MNT: variants seen among roughly 807,000 people sequenced by gnomAD.
MNT encodes MAX network transcriptional repressor, also known as max-binding protein MNT.
Under a neutral mutation model 40.7 loss-of-function variants are expected in MNT, and 13 were observed. The observed-to-expected ratio is 0.32, with a 90% CI of 0.21 to 0.51. MNT has a LOEUF of 0.51. MNT is among the 20% of genes least tolerant of loss of function. The probability of loss-of-function intolerance (pLI) is 0.98; values close to 1 mark genes in which losing one functional copy is unlikely to be tolerated. For missense variants in MNT, 757 were observed against 792.0 expected (o/e 0.96, Z 0.53); for synonymous variants, 426 against 354.8 (o/e 1.20, Z -2.26).
At position 2,387,264 on chromosome 17, in the gene MNT, T is replaced by G; in HGVS notation, c.1386A>C (p.Pro462=). 5 of 1,613,136 alleles carry G rather than the reference T, an allele frequency of 3.1e-6. No homozygotes were observed. Among genetic ancestry groups the G allele is most frequent in the Non-Finnish European group, 4.2e-6 (5 of 1,179,672 alleles). The part of the protein sequence containing the change: ...IQTVNHVLQG[P]GGKHIAHIAP... ...CGATGTGGGCGATGTGCTTGCCGCC[T>G]GGCCCCTGCAGAACGTGGTTCACAG... is the stretch of plus-strand genomic sequence containing the variant. Residue 462 remains proline (P), a synonymous_variant, in exon 6 of 6, where the codon CCA becomes CCC. Transcript: ENST00000174618.
Position 2,387,914 on chromosome 17 carries a change from C to T in MNT, c.943G>A (p.Val315Met), listed in dbSNP as rs757301365. Reference sequence around the variant, plus strand: ...TCGGGCTGGCCCGTCTGCCGCAGCACGCGGTCAATCTCCAGTACGTCCATC... The same window carrying T: ...TCGGGCTGGCCCGTCTGCCGCAGCATGCGGTCAATCTCCAGTACGTCCATC... ...QWMDVLEIDR[V>M]LRQTGQPEDD... The change falls in exon 5 of 6, where the codon GTG (valine) becomes ATG (methionine). Residue 315 changes from valine (V) to methionine (M), a missense_variant. By Grantham distance (21) the Val-to-Met change is conservative. This residue lies in a region of MNT where 345 missense variants were observed against 380.1 expected (regional missense o/e 0.91). Coordinates refer to ENST00000174618, the MANE Select transcript of MNT (RefSeq NM_020310.3). 4 of 1,607,792 alleles carry T rather than the reference C, an allele frequency of 2.5e-6. No homozygotes were observed. The highest frequency in any genetic ancestry group is 2.2e-5 in the East Asian group (1 of 44,850).
At chr17:2,394,580 TC>T (rs1188205492) in intron 2 of MNT, among the ~76,000 whole-genome samples, 1 of 152,054 alleles carries the variant, frequency 6.6e-6, no homozygotes, top group African/African-American at 2.4e-5. Context: ...ACAGGAGGAC[TC>T]CTGGGACTCA....
Position 2,386,911 on chromosome 17 carries a change from T to C in MNT, c.1739A>G (p.Lys580Arg). 2 of 1,475,404 alleles carry C rather than the reference T, an allele frequency of 1.4e-6. No homozygotes were observed. Among genetic ancestry groups the C allele is most frequent in the East Asian group, 2.4e-5 (1 of 41,546 alleles). The allele number at this position is 1,475,404 out of a possible 1,614,324, so 91.4% of individuals were successfully genotyped here. A position where few individuals can be genotyped will look rare whatever the true frequency, so the allele number is the denominator to read the frequency against. ...TMPSFPVSTL[K>R]LA Reference sequence around the variant, plus strand: ...TGAGTGGCCTCGTCCTCAAGCCAGCTTGAGTGTGCTGACTGGGAAGGAGGG... The same window carrying C: ...TGAGTGGCCTCGTCCTCAAGCCAGCCTGAGTGTGCTGACTGGGAAGGAGGG... Residue 580 changes from lysine to arginine, a missense_variant, in exon 6 of 6, where the codon AAG becomes AGG. This residue lies in a region of MNT where 345 missense variants were observed against 380.1 expected (regional missense o/e 0.91). Coordinates refer to ENST00000174618, the MANE Select transcript of MNT (RefSeq NM_020310.3).
intron 1 of MNT, among the ~76,000 whole-genome samples, chr17:2,397,923 G>A (rs1268529339): frequency 6.6e-6 from 1 of 152,202 alleles, no homozygotes; most frequent in Non-Finnish European, 1.5e-5. Context: ...TGCCCCCAAA[G>A]AATTTAGCAT....
rs772640307 is a variant in MNT at position 2,395,218 on chromosome 17, G to C, written c.310C>G (p.Pro104Ala). 6 of 1,477,100 alleles carry C rather than the reference G, an allele frequency of 4.1e-6. No individual in the cohort carries two copies. The highest frequency in any genetic ancestry group is 9.0e-7 in the Non-Finnish European group (1 of 1,114,712). 91.5% of individuals were successfully genotyped at this position (1,477,100 alleles called of 1,614,324 possible). A position where few individuals can be genotyped will look rare whatever the true frequency, so the allele number is the denominator to read the frequency against. Residue 104 changes from proline to alanine, a missense_variant, in exon 2 of 6, where the codon CCC becomes GCC. By Grantham distance (27) the Pro-to-Ala change is conservative. Coordinates refer to ENST00000174618, the MANE Select transcript of MNT (RefSeq NM_020310.3). Reference protein sequence around the residue: ...VTNSPQPLPPPPPLPAAAQPL... With the variant: ...VTNSPQPLPPAPPLPAAAQPL... ...TGGGCTGCCGCGGGCAAGGGTGGGG[G>C]TGGGGGTAGAGGCTGAGGGGAGTTG...
chr17:2,391,141 A>C (rs918425299), intron 4 of MNT: 2 of 152,338 alleles, frequency 1.3e-5, no homozygotes, highest in Non-Finnish European at 2.9e-5. Flanking sequence ...GGCATGTGCC[A>C]CCAGGCAGGA....
At chr17:2,395,723 C>T (rs547652602) in intron 1 of MNT, among the ~76,000 whole-genome samples, 3 of 152,268 alleles carry the variant, frequency 2.0e-5, no homozygotes, top group South Asian at 2.1e-4. Context: ...GTCCGGGCTG[C>T]GGGCAGGACA....
intron 1 of MNT, chr17:2,400,367 G>C: frequency 2.8e-6 from 1 of 356,504 alleles, no homozygotes; most frequent in East Asian, 5.7e-5. Flanking sequence ...CCACGCAAAA[G>C]CAGCCCACCA....
rs929726113 is a variant in MNT, at chr17:2,391,569, C to G, written c.807+2474G>C. 3.3e-5 allele frequency: 5 copies of G among 152,320 alleles called. No individual in the cohort carries two copies. The South Asian group carries it at 6.2e-4, about 19-fold the overall frequency. The allele number at this position is 152,320 out of a possible 1,614,324, so 9.4% of individuals were successfully genotyped here. On this transcript the variant is annotated intron_variant, in intron 4 of 5. Transcript: ENST00000174618. ...AAACCCATTTCCTTTCTGTGACTACCTGGATGCACGGTTTGGTACCTATTT... is the reference window on the plus strand; with the variant it reads ...AAACCCATTTCCTTTCTGTGACTACGTGGATGCACGGTTTGGTACCTATTT...
rs926932913 is a variant in MNT, at chr17:2,394,968, G to A, written c.560C>T (p.Ala187Val). The A allele has an allele frequency of 2.7e-5, 44 of 1,606,654 alleles. No individual in the cohort carries two copies. The highest frequency in any genetic ancestry group is 4.0e-5 in the African/African-American group (3 of 74,816). ...APHPGVQPQL[A>V]PQQPPPPTLG... ...CGTGGGTGGGGGCGGCTGCTGGGGG[G>A]CCAGCTGAGGCTGGACTCCAGGGTG... is the stretch of plus-strand genomic sequence containing the variant. The change falls in exon 2 of 6, where the codon GCC (alanine) becomes GTC (valine). Residue 187 changes from alanine (A) to valine (V), a missense_variant. Ala to Val is a moderately conservative substitution (Grantham distance 64, BLOSUM62 0). Transcript: ENST00000174618.
At chr17:2,392,046 TC>T (rs1282715739) in intron 4 of MNT, 2 of 152,232 alleles carry the variant, frequency 1.3e-5, no homozygotes, top group Non-Finnish European at 2.9e-5. Flanking sequence ...ATCCTGCAGG[TC>T]TCAGCTCAAA....
rs1207227360 is a variant in MNT at position 2,384,569 on chromosome 17, T to C, written c.*2332A>G. On this transcript the variant is annotated 3_prime_UTR_variant, in exon 6 of 6. Transcript: ENST00000174618. Reference sequence around the variant, plus strand: ...TGAACATCAAAAGGTAAAACACGCATGAGAGGTAAGATGTGTGCGTGTGCG... The same window carrying C: ...TGAACATCAAAAGGTAAAACACGCACGAGAGGTAAGATGTGTGCGTGTGCG... 2 of 151,336 alleles carry C rather than the reference T, an allele frequency of 1.3e-5. No individual in the cohort carries two copies. Among genetic ancestry groups the C allele is most frequent in the Non-Finnish European group, 2.9e-5 (2 of 67,930 alleles). 9.4% of individuals were successfully genotyped at this position (151,336 alleles called of 1,614,324 possible).
At chr17:2,391,638 G>A (rs2066515862) in intron 4 of MNT, 1 of 152,080 alleles carries the variant, frequency 6.6e-6, no homozygotes, top group East Asian at 1.9e-4. Flanking sequence ...TCAAACCTTT[G>A]ACCACCTCCA....
intron 3 of MNT, 28 bp downstream of exon 3, chr17:2,394,277 G>GCACAGACACA: frequency 6.7e-7 from 1 of 1,487,680 alleles, no homozygotes; most frequent in Non-Finnish European, 9.0e-7. Flanking sequence ...ACGCACGCAC[G>GCACAGACACA]CACACACACA....
chr17:2,394,491 A>G, intron 2 of MNT, 145 bp from the exon 3 acceptor site: 1 of 1,210,684 alleles, frequency 8.3e-7, no homozygotes, highest in Non-Finnish European at 1.2e-6. Flanking sequence ...GCCCTGTGCC[A>G]TGCTGCGCCC....
intron 5 of MNT, 98 bp from the exon 6 acceptor site, chr17:2,387,747 G>A: frequency 6.4e-7 from 1 of 1,559,274 alleles, no homozygotes; most frequent in Non-Finnish European, 8.7e-7. Context: ...TGATGGGGCT[G>A]GGGCCAGGGC....
At chr17:2,394,277 GCA>G (rs35367394) in intron 3 of MNT, 26 bp downstream of exon 3, 57,572 of 1,310,068 alleles carry the variant, frequency 0.044, 45 homozygotes, top group Middle Eastern at 0.065. Context: ...ACGCACGCAC[GCA>G]CACACACACA....
intron 2 of MNT, 129 bp downstream of exon 2, chr17:2,394,746 C>T (rs771557418): frequency 6.0e-6 from 4 of 669,594 alleles, no homozygotes; most frequent in African/African-American, 1.8e-5. Context: ...TAGACATGGG[C>T]ACAGTGATGA....
At chr17:2,392,498 A>T (rs1433788009) in intron 4 of MNT, among the ~76,000 whole-genome samples, 1 of 152,134 alleles carries the variant, frequency 6.6e-6, no homozygotes, top group Admixed American at 6.5e-5. Flanking sequence ...CGTCCTTCCT[A>T]TTTCTCAAAA....
Sources: gnomAD v4.1 joint callset for allele counts (sites outside exome capture counted in the v4.1 genomes callset) on GRCh38, gnomAD v4.1.1 for gene constraint, gnomAD v4.1.1 regional missense constraint, MANE v1.5 for transcripts, NCBI Gene and HGNC (gene_info 2026-07-23, HGNC 2026-07-21) for gene names.